The following COL24A1 variants were observed in gnomAD, a reference collection of about 807,000 sequenced individuals.
The protein encoded by COL24A1 is collagen alpha-1(XXIV) chain.
A neutral mutation model predicts 253.9 loss-of-function variants in COL24A1; 224 were observed. The ratio of observed to expected loss-of-function variants is 0.88; its 90% confidence interval spans 0.79 to 0.99. COL24A1 has a LOEUF of 0.99. Among genes scored for constraint, COL24A1 ranks in the 50% least tolerant of loss-of-function variants. The probability of loss-of-function intolerance (pLI) is 0.00; values close to 1 mark genes in which losing one functional copy is unlikely to be tolerated. For synonymous variants in COL24A1, 685 were observed against 673.7 expected, an observed-to-expected ratio of 1.02 and a Z score of -0.26; for missense variants, 2,131 against 2,068.5, an observed-to-expected ratio of 1.03 and a Z score of -0.59.
At chr1:85,899,594 A>G (rs1025612796) in intron 28 of COL24A1, among the ~76,000 whole-genome samples, 3 of 152,236 alleles carry the variant, frequency 2.0e-5, no homozygotes, top group Non-Finnish European at 4.4e-5. Context: ...GGTGGCAGCC[A>G]TAAGCATTAA....
At chr1:86,014,102 T>G (rs777556649) in intron 19 of COL24A1, among the ~76,000 whole-genome samples, 11 of 152,198 alleles carry the variant, frequency 7.2e-5, no homozygotes, top group Non-Finnish European at 1.2e-4. Context: ...TCATTTATTT[T>G]TTACCTTCCT....
intron 37 of COL24A1, among the ~76,000 whole-genome samples, chr1:85,856,523 G>T (rs2102394299): frequency 6.6e-6 from 1 of 152,164 alleles, no homozygotes; most frequent in African/African-American, 2.4e-5. Flanking sequence ...GTATTCTAAT[G>T]ATTCCCTAAT....
At chr1:86,020,858 C>T (rs1305371240) in intron 18 of COL24A1, among the ~76,000 whole-genome samples, 1 of 152,148 alleles carries the variant, frequency 6.6e-6, no homozygotes, top group South Asian at 2.1e-4. Context: ...AATTTATGCA[C>T]TCTAGAGTTT....
rs193291995 is a variant in COL24A1, at chr1:85,754,559, A to C, written c.4437+6837T>G. ...TAATAAAAAAAAAAATTAAAAAAAA[A>C]AAAAAAGAACTAAAGGACAGTATGA... On this transcript the variant is annotated intron_variant, in intron 55 of 59. Transcript: ENST00000370571. Among the ~76,000 whole-genome samples the C allele has an allele frequency of 9.3e-3, 1,398 of 149,898 alleles. 23 individuals are homozygous for C. Among genetic ancestry groups the C allele is most frequent in the African/African-American group, 0.032 (1,309 of 41,024 alleles).
chr1:85,830,496 C>G (rs967051618), intron 43 of COL24A1, among the ~76,000 whole-genome samples: 1 of 152,198 alleles, frequency 6.6e-6, no homozygotes, highest in Non-Finnish European at 1.5e-5. Flanking sequence ...TGAGCCTGGG[C>G]AATGGCGGGT....
At chr1:85,938,351 CAGTGAG>C (rs1688415661) in intron 24 of COL24A1, among the ~76,000 whole-genome samples, 1 of 146,652 alleles carries the variant, frequency 6.8e-6, no homozygotes, top group Non-Finnish European at 1.5e-5. Flanking sequence ...CCAAGTGACA[CAGTGAG>C]AGTCTCACTG....
At chr1:85,821,344 C>A (rs1056925888) in intron 45 of COL24A1, among the ~76,000 whole-genome samples, 1 of 152,066 alleles carries the variant, frequency 6.6e-6, no homozygotes, top group African/African-American at 2.4e-5. Flanking sequence ...TTCATAATAA[C>A]AGGAGCTAGG....
chr1:85,788,641 C>T (rs969537227), intron 47 of COL24A1, among the ~76,000 whole-genome samples: 2 of 152,136 alleles, frequency 1.3e-5, no homozygotes, highest in African/African-American at 2.4e-5. Flanking sequence ...CTTTGCCCAG[C>T]CTAAGTCCTG....
chr1:85,920,940 A>AT (rs1686394477), intron 24 of COL24A1, among the ~76,000 whole-genome samples: 1 of 151,088 alleles, frequency 6.6e-6, no homozygotes, highest in Non-Finnish European at 1.5e-5. Flanking sequence ...AAAAAAAAAA[A>AT]CAAAAACAAA....
intron 47 of COL24A1, among the ~76,000 whole-genome samples, chr1:85,812,604 G>T (rs915814010): frequency 1.3e-5 from 2 of 152,144 alleles, no homozygotes; most frequent in Non-Finnish European, 2.9e-5. Flanking sequence ...GGTTTGAAAG[G>T]CTAATGATAA....
intron 37 of COL24A1, among the ~76,000 whole-genome samples, chr1:85,851,803 A>G (rs1677801561): frequency 6.6e-6 from 1 of 152,160 alleles, no homozygotes; most frequent in South Asian, 2.1e-4. Context: ...GTTTTTATAC[A>G]TACTTATATT....
intron 47 of COL24A1, among the ~76,000 whole-genome samples, chr1:85,813,712 G>A (rs574493930): frequency 0.01 from 1,568 of 150,866 alleles, 19 homozygotes; most frequent in African/African-American, 0.036. Flanking sequence ...CACTACGCCC[G>A]GCTAATTTTT....
chr1:85,809,790 T>TGTGTA (rs1672345752), intron 47 of COL24A1, among the ~76,000 whole-genome samples: 1 of 147,272 alleles, frequency 6.8e-6, no homozygotes, highest in Admixed American at 6.8e-5. Context: ...GTATATAATA[T>TGTGTA]TATATATAGT....
intron 23 of COL24A1, among the ~76,000 whole-genome samples, chr1:85,963,050 T>C (rs1691221238): frequency 1.3e-5 from 2 of 152,150 alleles, no homozygotes; most frequent in South Asian, 4.1e-4. Flanking sequence ...TTAAATAAAA[T>C]ATACTATTAA....
rs1669445316 is a variant in COL24A1, at chr1:85,784,302, C to T, written c.4124G>A (p.Gly1375Asp). ...AGGGTCTCCACATGGTCCTTGATCA[C>T]CTTGTGCTCCTCGGTGACCTCTTTT... The part of the protein sequence containing the change: ...QGKRGHRGAQ[G>D]DQGPCGDPGL... Residue 1375 changes from glycine (G) to aspartate (D), a missense_variant, in exon 49 of 60, where the codon GGT becomes GAT. Coordinates refer to ENST00000370571, the MANE Select transcript of COL24A1 (RefSeq NM_152890.7). 1 of 1,614,062 alleles carries T rather than the reference C, an allele frequency of 6.2e-7. No individual in the cohort carries two copies. The highest frequency in any genetic ancestry group is 8.5e-7 in the Non-Finnish European group (1 of 1,179,970).
At chr1:85,858,677 TTCC>T (rs1678784578) in intron 37 of COL24A1, among the ~76,000 whole-genome samples, 3 of 146,082 alleles carry the variant, frequency 2.1e-5, no homozygotes, top group African/African-American at 7.7e-5. Flanking sequence ...CCTTCCTTCC[TTCC>T]CTCCGTCCTT....
intron 11 of COL24A1, among the ~76,000 whole-genome samples, chr1:86,049,013 A>G (rs1334111889): frequency 2.0e-5 from 3 of 152,202 alleles, no homozygotes; most frequent in African/African-American, 7.2e-5. Flanking sequence ...GTAATTAACA[A>G]CGTAAACTGG....
chr1:86,023,593 T>C (rs1697755394), intron 14 of COL24A1, among the ~76,000 whole-genome samples: 1 of 152,146 alleles, frequency 6.6e-6, no homozygotes, highest in African/African-American at 2.4e-5. Context: ...AAGCATAATA[T>C]GTACGAGACA....
chr1:86,051,740 A>G (rs1700320940), intron 10 of COL24A1, among the ~76,000 whole-genome samples: 1 of 152,158 alleles, frequency 6.6e-6, no homozygotes, highest in Non-Finnish European at 1.5e-5. Flanking sequence ...ATAGGTCTCT[A>G]TCTGTCTATA....
Sources: allele counts gnomAD v4.1 joint callset (sites outside exome capture counted in the v4.1 genomes callset), GRCh38; gene constraint gnomAD v4.1.1; transcripts MANE v1.5; gene names NCBI Gene and HGNC (gene_info 2026-07-23, HGNC 2026-07-21).